The following AXDND1 variants were observed in gnomAD, a reference collection of about 807,000 sequenced individuals.
AXDND1 encodes the protein axonemal dynein light chain domain-containing protein 1.
A neutral mutation model predicts 137.5 loss-of-function variants in AXDND1; 110 were observed. The observed-to-expected ratio is 0.80, with a 90% CI of 0.69 to 0.94. The LOEUF (loss-of-function observed/expected upper bound fraction) is 0.94, where lower values mean the gene tolerates loss of function less well. Among genes scored for constraint, AXDND1 ranks in the 40% least tolerant of loss-of-function variants. The probability of loss-of-function intolerance (pLI) is 0.00; values close to 1 mark genes in which losing one functional copy is unlikely to be tolerated. For synonymous variants in AXDND1, 414 were observed against 399.7 expected, an observed-to-expected ratio of 1.04 and a Z score of -0.43; for missense variants, 1,191 against 1,169.8, an observed-to-expected ratio of 1.02 and a Z score of -0.26.
chr1:179,501,702 T>A (rs1022109041), intron 20 of AXDND1, among the ~76,000 whole-genome samples: 2 of 152,102 alleles, frequency 1.3e-5, no homozygotes, highest in African/African-American at 4.8e-5. Flanking sequence ...AGAGTGAGAC[T>A]GTGTCTTAAA....
intron 9 of AXDND1, among the ~76,000 whole-genome samples, chr1:179,391,920 A>G (rs902760847): frequency 6.6e-6 from 1 of 152,068 alleles, no homozygotes; most frequent in African/African-American, 2.4e-5. Flanking sequence ...GAAGAAGGAC[A>G]TGTTTGCTTT....
intron 22 of AXDND1, 44 bp downstream of exon 22, chr1:179,525,491 A>G: frequency 3.3e-6 from 5 of 1,508,906 alleles, no homozygotes; most frequent in Non-Finnish European, 3.6e-6. Flanking sequence ...ATACATACAT[A>G]CATACATACA....
chr1:179,371,891 C>A (rs192762357), intron 4 of AXDND1, among the ~76,000 whole-genome samples: 1 of 152,262 alleles, frequency 6.6e-6, no homozygotes, highest in Non-Finnish European at 1.5e-5. Flanking sequence ...TGCAGTCTTA[C>A]AACTTTAAAG....
intron 11 of AXDND1, among the ~76,000 whole-genome samples, chr1:179,396,178 A>T (rs1000715454): frequency 1.4e-5 from 1 of 74,016 alleles, no homozygotes; most frequent in African/African-American, 4.7e-5. Flanking sequence ...CATAAAAAGA[A>T]AAAAAAAAAA....
intron 11 of AXDND1, among the ~76,000 whole-genome samples, chr1:179,406,814 T>C (rs1653045294): frequency 6.6e-6 from 1 of 152,190 alleles, no homozygotes; most frequent in South Asian, 2.1e-4. Flanking sequence ...ATTCAGCCAA[T>C]CTATATCTTT....
chr1:179,432,197 G>C, intron 14 of AXDND1, 70 bp from the exon 15 acceptor site: 3 of 1,455,308 alleles, frequency 2.1e-6, no homozygotes, highest in Non-Finnish European at 2.7e-6. Flanking sequence ...TTAGTCTTTA[G>C]TGTGTGAACT....
chr1:179,381,033 CTTTTTTTT>C (rs750948760), intron 6 of AXDND1, among the ~76,000 whole-genome samples: 5 of 96,500 alleles, frequency 5.2e-5, no homozygotes, highest in African/African-American at 1.9e-4. Flanking sequence ...CTTTTGGTGA[CTTTTTTTT>C]TTTTTTTTTT....
chr1:179,511,101 A>T (rs972487039), intron 21 of AXDND1, among the ~76,000 whole-genome samples: 7 of 151,798 alleles, frequency 4.6e-5, no homozygotes, highest in African/African-American at 1.5e-4. Flanking sequence ...CAGGAGGTGG[A>T]GGCTGCAGTG....
intron 11 of AXDND1, among the ~76,000 whole-genome samples, chr1:179,403,111 G>T (rs1652359492): frequency 6.6e-6 from 1 of 152,030 alleles, no homozygotes; most frequent in Admixed American, 6.6e-5. Flanking sequence ...AAACCTTACT[G>T]ATAAACAGTC....
At chr1:179,430,083 T>C (rs1371618044) in intron 13 of AXDND1, among the ~76,000 whole-genome samples, 1 of 151,682 alleles carries the variant, frequency 6.6e-6, no homozygotes, top group Non-Finnish European at 1.5e-5. Flanking sequence ...TAAAAATTAA[T>C]CCCAAATAGA....
chr1:179,368,360 A>G (rs1320193968), intron 2 of AXDND1, among the ~76,000 whole-genome samples: 1 of 152,214 alleles, frequency 6.6e-6, no homozygotes, highest in Admixed American at 6.5e-5. Flanking sequence ...CCTCGATTTA[A>G]TGCAATTATT....
rs977523998 is a variant in AXDND1, at chr1:179,410,335, A to G, written c.1110-811A>G. The stretch of plus-strand genomic sequence containing the variant: ...AACCTCTGCCCCCCAGGTTCAAGCA[A>G]TTCTCCTGCCTCAGCCTCCCAAATA... On this transcript the variant is annotated intron_variant, in intron 11 of 25. Coordinates refer to ENST00000367618, the MANE Select transcript of AXDND1 (RefSeq NM_144696.6). 5.9e-5 allele frequency among the ~76,000 whole-genome samples: 9 copies of G among 152,230 alleles called. No individual in the cohort carries two copies. In the South Asian group the frequency reaches 6.2e-4, roughly 11 times the overall value.
At chr1:179,495,634 A>G (rs750268582) in intron 20 of AXDND1, among the ~76,000 whole-genome samples, 3 of 151,774 alleles carry the variant, frequency 2.0e-5, no homozygotes, top group Non-Finnish European at 4.4e-5. Context: ...TCATGCAGTC[A>G]TGTTATCTGC....
intron 11 of AXDND1, among the ~76,000 whole-genome samples, chr1:179,402,169 A>C (rs796845522): frequency 0.021 from 3,121 of 151,892 alleles, 68 homozygotes; most frequent in African/African-American, 0.054. Context: ...CGTCTCAAAA[A>C]AAAAAAAAAA....
intron 20 of AXDND1, among the ~76,000 whole-genome samples, chr1:179,501,839 T>A (rs1425850054): frequency 6.6e-6 from 1 of 152,090 alleles, no homozygotes; most frequent in Non-Finnish European, 1.5e-5. Context: ...GAAACCTACA[T>A]GTGAAAGTCA....
chr1:179,492,118 G>A (rs572394620), intron 19 of AXDND1, among the ~76,000 whole-genome samples: 2 of 152,252 alleles, frequency 1.3e-5, no homozygotes, highest in East Asian at 3.9e-4. Flanking sequence ...CTGTCACCGA[G>A]GCTAGAATGT....
intron 12 of AXDND1, among the ~76,000 whole-genome samples, chr1:179,418,962 T>G (rs61822772): frequency 0.12 from 17,434 of 148,534 alleles, 1,194 homozygotes; most frequent in East Asian, 0.35. Context: ...GCAGAGGCGC[T>G]CCTCACATCC....
chr1:179,435,208 G>C (rs1657970902), intron 15 of AXDND1, among the ~76,000 whole-genome samples: 1 of 152,098 alleles, frequency 6.6e-6, no homozygotes, highest in Non-Finnish European at 1.5e-5. Context: ...GAAACAAATG[G>C]AAAAACATTC....
intron 4 of AXDND1, among the ~76,000 whole-genome samples, chr1:179,377,513 C>T (rs1205804516): frequency 1.3e-5 from 2 of 152,126 alleles, no homozygotes; most frequent in East Asian, 1.9e-4. Flanking sequence ...CTCAAGATTC[C>T]GTCTCCTGGA....
Sources: allele counts gnomAD v4.1 joint callset (sites outside exome capture counted in the v4.1 genomes callset), GRCh38; gene constraint gnomAD v4.1.1; transcripts MANE v1.5; gene names NCBI Gene and HGNC (gene_info 2026-07-23, HGNC 2026-07-21).